The following SLC22A2 variants were observed in gnomAD, a reference collection of about 807,000 sequenced individuals.
The protein encoded by SLC22A2 is solute carrier family 22 member 2, also known as organic cation transporter 2.
Under a neutral mutation model 60.5 loss-of-function variants are expected in SLC22A2, and 46 were observed. The observed-to-expected ratio is 0.76, with a 90% CI of 0.60 to 0.97. SLC22A2 has a LOEUF of 0.97. SLC22A2 is among the 50% of genes least tolerant of loss of function. The pLI is 0.00. For synonymous variants in SLC22A2, 303 were observed against 267.0 expected (o/e 1.13, Z -1.31); for missense variants, 701 against 706.6 (o/e 0.99, Z 0.09).
chr6:160,248,053 A>G (rs1051527876), intron 4 of SLC22A2, among the ~76,000 whole-genome samples: 2 of 152,174 alleles, frequency 1.3e-5, no homozygotes, highest in African/African-American at 4.8e-5. Flanking sequence ...TGTAATAGAG[A>G]CAGCAGGAAG....
chr6:160,218,879 T>TAATAGCAGCCACAGCATCAGTAG (rs1782589081), intron 10 of SLC22A2, among the ~76,000 whole-genome samples: 1 of 1,968 alleles, frequency 5.1e-4, no homozygotes, highest in African/African-American at 2.7e-3. Flanking sequence ...AATAGCAAAA[T>TAATAGCAGCCACAGCATCAGTAG]CAGCAGTAGC....
intron 9 of SLC22A2, among the ~76,000 whole-genome samples, chr6:160,226,575 C>T (rs547947116): frequency 7.5e-4 from 114 of 152,204 alleles, no homozygotes; most frequent in African/African-American, 2.6e-3. Context: ...GATTTGTGTA[C>T]GTGATTTTCT....
intron 2 of SLC22A2, among the ~76,000 whole-genome samples, chr6:160,254,546 C>T (rs1399349490): frequency 6.6e-6 from 1 of 152,156 alleles, no homozygotes; most frequent in African/African-American, 2.4e-5. Flanking sequence ...GGATCCATGA[C>T]ATTCTTGTCC....
chr6:160,219,742 G>A (rs1343464843), intron 10 of SLC22A2, among the ~76,000 whole-genome samples: 2 of 152,074 alleles, frequency 1.3e-5, no homozygotes, highest in Non-Finnish European at 2.9e-5. Context: ...AATAAAGTAA[G>A]TTTTACCATA....
chr6:160,232,137 A>G (rs1782835045), intron 9 of SLC22A2, among the ~76,000 whole-genome samples: 1 of 151,776 alleles, frequency 6.6e-6, no homozygotes, highest in Non-Finnish European at 1.5e-5. Flanking sequence ...TGAGTCTCCC[A>G]CAATTACCAT....
In SLC22A2 at chr6:160,243,656, C is replaced by A. The variant is rs368002099; in HGVS notation, c.1195G>T (p.Asp399Tyr). ...PAAFMIILTI[D>Y]RIGRRYPWAA... ...CAAGGGTAACGGCGTCCGATGCGGT[C>A]GATGGTGAGGATGATCATGAAGGCA... Residue 399 changes from aspartate to tyrosine, a missense_variant, in exon 7 of 11, where the codon GAC (aspartate) becomes TAC (tyrosine). Physicochemically the swap from Asp to Tyr is radical, Grantham distance 160 (BLOSUM62 -3). Coordinates refer to ENST00000366953, the MANE Select transcript of SLC22A2 (RefSeq NM_003058.4). 1 of 1,613,732 alleles carries A rather than the reference C, an allele frequency of 6.2e-7. No homozygotes were observed. Among genetic ancestry groups the A allele is most frequent in the Non-Finnish European group, 8.5e-7 (1 of 1,179,948 alleles).
intron 4 of SLC22A2, 34 bp from the exon 5 acceptor site, chr6:160,247,332 C>T (rs1330399065): frequency 9.3e-7 from 1 of 1,079,954 alleles, no homozygotes; most frequent in Non-Finnish European, 1.4e-6. Flanking sequence ...GCAACTCTTA[C>T]TGAATCCTCC....
At chr6:160,241,263 GTAT>G (rs1029654995) in intron 9 of SLC22A2, among the ~76,000 whole-genome samples, 15 of 152,070 alleles carry the variant, frequency 9.9e-5, no homozygotes, top group African/African-American at 3.6e-4. Context: ...TACTGAACTA[GTAT>G]TATTGATTAG....
At chr6:160,220,570 ACAAT>A in intron 10 of SLC22A2, among the ~76,000 whole-genome samples, 1 of 152,210 alleles carries the variant, frequency 6.6e-6, no homozygotes, top group Admixed American at 6.5e-5. Flanking sequence ...TTTGCCTAGA[ACAAT>A]CAGAGGAATT....
chr6:160,232,010 C>T (rs1017582537), intron 9 of SLC22A2, among the ~76,000 whole-genome samples: 4 of 151,920 alleles, frequency 2.6e-5, no homozygotes, highest in Admixed American at 2.6e-4. Flanking sequence ...TGTGTTAATG[C>T]TTTTAGAGGC....
Position 160,217,219 on chromosome 6 carries a change from G to C in SLC22A2, c.*213C>G. 2 of 397,734 alleles carry C rather than the reference G, an allele frequency of 5.0e-6. No individual in the cohort carries two copies. Among genetic ancestry groups the C allele is most frequent in the Non-Finnish European group, 8.9e-6 (2 of 224,984 alleles). The allele number at this position is 397,734 out of a possible 1,614,324, so 24.6% of individuals were successfully genotyped here. Reference sequence around the variant, plus strand: ...ATGTCCAATGTCCTAGGAATGCTGAGAATAAAGTGAGCTGGAAGAATTTGG... The same window carrying C: ...ATGTCCAATGTCCTAGGAATGCTGACAATAAAGTGAGCTGGAAGAATTTGG... On this transcript the variant is annotated 3_prime_UTR_variant, in exon 11 of 11. Transcript: ENST00000366953.
At chr6:160,251,489 C>T (rs926153324) in intron 2 of SLC22A2, among the ~76,000 whole-genome samples, 1 of 152,182 alleles carries the variant, frequency 6.6e-6, no homozygotes, top group African/African-American at 2.4e-5. Flanking sequence ...AGGTAAGGAG[C>T]TTGGCACATA....
intron 2 of SLC22A2, among the ~76,000 whole-genome samples, chr6:160,255,935 G>A (rs1399053778): frequency 6.6e-6 from 1 of 152,130 alleles, no homozygotes; most frequent in Non-Finnish European, 1.5e-5. Flanking sequence ...ATAAGTAAGA[G>A]ACATAGCAAT....
intron 7 of SLC22A2, among the ~76,000 whole-genome samples, chr6:160,242,941 G>T (rs1783034284): frequency 6.6e-6 from 1 of 152,086 alleles, no homozygotes; most frequent in Admixed American, 6.5e-5. Context: ...CTTAACTTTA[G>T]ACCTCAGTTG....
At chr6:160,242,749 G>C (rs9364550) in intron 7 of SLC22A2, among the ~76,000 whole-genome samples, 1 of 151,794 alleles carries the variant, frequency 6.6e-6, no homozygotes, top group African/African-American at 2.4e-5. Flanking sequence ...CCACAGAGTG[G>C]TATGTTTGTT....
chr6:160,232,990 T>C (rs1028268726), intron 9 of SLC22A2, among the ~76,000 whole-genome samples: 2 of 143,294 alleles, frequency 1.4e-5, no homozygotes, highest in Admixed American at 7.3e-5. Context: ...AGCCCATCTC[T>C]TAGAACCTCT....
At chr6:160,232,978 C>T (rs1184497050) in intron 9 of SLC22A2, among the ~76,000 whole-genome samples, 1 of 150,822 alleles carries the variant, frequency 6.6e-6, no homozygotes, top group Non-Finnish European at 1.5e-5. Context: ...TTACAAGCCA[C>T]TAGCCCATCT....
Position 160,243,658 on chromosome 6 carries a change from A to T in SLC22A2, c.1193T>A (p.Ile398Asn). The T allele has an allele frequency of 1.9e-6, 3 of 1,614,060 alleles. No individual in the cohort carries two copies. Among genetic ancestry groups the T allele is most frequent in the Middle Eastern group, 1.7e-4 (1 of 6,060 alleles). The change falls in exon 7 of 11, where the codon ATC becomes AAC. Residue 398 changes from isoleucine to asparagine, a missense_variant. Transcript: ENST00000366953. ...FPAAFMIILT[I>N]DRIGRRYPWA... ...AGGGTAACGGCGTCCGATGCGGTCG[A>T]TGGTGAGGATGATCATGAAGGCAGC...
intron 10 of SLC22A2, among the ~76,000 whole-genome samples, chr6:160,223,451 T>C (rs964961243): frequency 6.6e-6 from 1 of 152,234 alleles, no homozygotes; most frequent in Non-Finnish European, 1.5e-5. Context: ...TTCTATGTTT[T>C]GCTTTTTCCC....
Sources: allele counts gnomAD v4.1 joint callset (sites outside exome capture counted in the v4.1 genomes callset), GRCh38; gene constraint gnomAD v4.1.1; transcripts MANE v1.5; gene names NCBI Gene and HGNC (gene_info 2026-07-23, HGNC 2026-07-21).